Variants in SIN3A observed in about 807,000 individuals in gnomAD.
The protein encoded by SIN3A is SIN3 transcription regulator family member A, also known as paired amphipathic helix protein Sin3a.
Under a neutral mutation model 146.1 loss-of-function variants are expected in SIN3A, and 14 were observed. The observed-to-expected ratio is 0.10, with a 90% confidence interval of 0.06 to 0.15. The LOEUF is 0.15. SIN3A is among the 10% of genes least tolerant of loss of function. The pLI is 1.00. For missense variants in SIN3A, 1,028 were observed against 1,576.0 expected, an observed-to-expected ratio of 0.65 and a Z score of 5.89; for synonymous variants, 572 against 572.0, an observed-to-expected ratio of 1.00 and a Z score of 0.00.
At chr15:75,444,677 T>G (rs897322197) in intron 1 of SIN3A, among the ~76,000 whole-genome samples, 6 of 151,946 alleles carry the variant, frequency 3.9e-5, no homozygotes, top group African/African-American at 1.5e-4. Flanking sequence ...GAGACCAATC[T>G]GGGCAATACA....
chr15:75,372,002 C>T lies in SIN3A; in HGVS notation c.3799G>A (p.Gly1267Ser), dbSNP rs748896058. The T allele has an allele frequency of 6.8e-6, 11 of 1,614,038 alleles. No homozygotes were observed. Among genetic ancestry groups the T allele is most frequent in the South Asian group, 2.2e-5 (2 of 91,090 alleles). Residue 1267 changes from glycine (G) to serine (S), a missense_variant, in exon 21 of 21, where the codon GGC becomes AGC. Transcript: ENST00000394947. The part of the protein sequence containing the change: ...VSINKYRVKY[G>S]TVFKAP Reference sequence around the variant, plus strand: ...AGTTAAGGGGCTTTGAATACTGTGCCGTATTTGACACGATACTTGTTAATG... The same window carrying T: ...AGTTAAGGGGCTTTGAATACTGTGCTGTATTTGACACGATACTTGTTAATG...
chr15:75,430,032 A>G, intron 2 of SIN3A, 155 bp downstream of exon 2: 1 of 623,876 alleles, frequency 1.6e-6, no homozygotes, highest in South Asian at 2.1e-5. Context: ...CTTTTTTTAA[A>G]AACTTGTATG....
At chr15:75,455,582 C>T (rs1452415491), upstream of SIN3A, 4 of 152,454 alleles carry the variant, frequency 2.6e-5, no homozygotes, top group African/African-American at 9.6e-5. Context: ...AACACACACA[C>T]TGGCGAGCGG....
At chr15:75,451,198 G>C (rs1279279741) in intron 1 of SIN3A, among the ~76,000 whole-genome samples, 2 of 142,698 alleles carry the variant, frequency 1.4e-5, no homozygotes, top group African/African-American at 2.6e-5. Flanking sequence ...CGGCGCGAGA[G>C]CCCGCCCCCC....
chr15:75,439,625 G>A (rs569837044), intron 1 of SIN3A, among the ~76,000 whole-genome samples: 54 of 151,882 alleles, frequency 3.6e-4, no homozygotes, highest in Non-Finnish European at 6.0e-4. Context: ...GATTACAGGC[G>A]TGAGCCACCG....
intron 17 of SIN3A, among the ~76,000 whole-genome samples, chr15:75,382,182 G>T (rs1400564093): frequency 6.6e-6 from 1 of 152,138 alleles, no homozygotes; most frequent in East Asian, 1.9e-4. Flanking sequence ...AGACAAAACT[G>T]AAATTCAGAA....
chr15:75,425,833 AAG>A (rs1291243886), intron 2 of SIN3A, among the ~76,000 whole-genome samples: 1 of 152,256 alleles, frequency 6.6e-6, no homozygotes, highest in Non-Finnish European at 1.5e-5. Context: ...ACCACAATTT[AAG>A]AGAGAATAAA....
intron 6 of SIN3A, among the ~76,000 whole-genome samples, chr15:75,410,589 A>G (rs1381799817): frequency 6.6e-6 from 1 of 151,968 alleles, no homozygotes; most frequent in Admixed American, 6.6e-5. Context: ...GGCGTGAGAC[A>G]CCATGCCCGG....
At chr15:75,453,981 A>G (rs1469037789), upstream of SIN3A, 1 of 152,250 alleles carries the variant, frequency 6.6e-6, no homozygotes, top group African/African-American at 2.4e-5. Flanking sequence ...CGAAGGAGCT[A>G]GGCGGGCCTC....
At chr15:75,443,249 C>A (rs1160696703) in intron 1 of SIN3A, among the ~76,000 whole-genome samples, 1 of 152,116 alleles carries the variant, frequency 6.6e-6, no homozygotes, top group Non-Finnish European at 1.5e-5. Context: ...CTTCTCTTTG[C>A]CATTATAGGA....
chr15:75,376,789 G>T (rs975885990), intron 19 of SIN3A, among the ~76,000 whole-genome samples: 2 of 150,480 alleles, frequency 1.3e-5, no homozygotes, highest in Admixed American at 1.3e-4. Flanking sequence ...GAGCCCAGAA[G>T]GCGGAGGTTG....
intron 15 of SIN3A, 32 bp from the exon 16 acceptor site, chr15:75,389,853 C>T: frequency 2.5e-6 from 4 of 1,606,934 alleles, no homozygotes; most frequent in Non-Finnish European, 3.4e-6. Flanking sequence ...TGAGGCCTTA[C>T]CTTGCTAAGA....
intron 5 of SIN3A, among the ~76,000 whole-genome samples, chr15:75,412,357 G>A (rs977044043): frequency 1.3e-5 from 2 of 152,156 alleles, no homozygotes; most frequent in African/African-American, 4.8e-5. Flanking sequence ...CTATTCATTA[G>A]ATCTTCTACT....
chr15:75,391,132 T>C (rs2073192214), intron 15 of SIN3A, among the ~76,000 whole-genome samples: 1 of 152,176 alleles, frequency 6.6e-6, no homozygotes, highest in Admixed American at 6.5e-5. Context: ...CTCCATAGAA[T>C]AGGTATAGGC....
intron 11 of SIN3A, 36 bp from the exon 12 acceptor site, chr15:75,400,192 T>A: frequency 1.7e-6 from 2 of 1,197,442 alleles, no homozygotes; most frequent in Non-Finnish European, 2.4e-6. Flanking sequence ...AACAAAAGCC[T>A]AAAAAAGCTT....
chr15:75,402,697 C>T (rs374885277), intron 9 of SIN3A, among the ~76,000 whole-genome samples: 5 of 152,044 alleles, frequency 3.3e-5, no homozygotes, highest in Non-Finnish European at 7.4e-5. Context: ...TGCAGTGGTG[C>T]GATCTCAGCT....
rs1171636818 is a variant in SIN3A, at chr15:75,433,678, C to T, written c.-33-3270G>A. ...ACAAAAAATTAGCCAGGCGTAGTGGCGGGCACCTGTAGTCCTAGCTACTCG... is the reference window on the plus strand; with the variant it reads ...ACAAAAAATTAGCCAGGCGTAGTGGTGGGCACCTGTAGTCCTAGCTACTCG... On this transcript the variant is annotated intron_variant, in intron 1 of 20. Transcript: ENST00000394947. Among the ~76,000 whole-genome samples the T allele has an allele frequency of 2.6e-5, 4 of 151,936 alleles. No individual in the cohort carries two copies. In the South Asian group the frequency reaches 6.2e-4, roughly 24 times the overall value.
chr15:75,430,338 T>C lies in SIN3A; in HGVS notation c.38A>G (p.Tyr13Cys), dbSNP rs757265494. 1 of 1,613,986 alleles carries C rather than the reference T, an allele frequency of 6.2e-7. No homozygotes were observed. Among genetic ancestry groups the C allele is most frequent in the Non-Finnish European group, 8.5e-7 (1 of 1,179,952 alleles). ...AGGGATCCGACGCTGCTGGGCTGCA[T>C]ACACCGGTGACTCCTGGTCATCCAA... ...RRLDDQESPV[Y>C]AAQQRRIPGS... The change falls in exon 2 of 21, where the codon TAT becomes TGT. Residue 13 changes from tyrosine (Y) to cysteine (C), a missense_variant. Tyr to Cys is a radical substitution (Grantham distance 194, BLOSUM62 -2). Transcript: ENST00000394947.
chr15:75,379,463 C>G (rs924572502), intron 19 of SIN3A, among the ~76,000 whole-genome samples: 2 of 152,188 alleles, frequency 1.3e-5, no homozygotes, highest in Non-Finnish European at 2.9e-5. Flanking sequence ...CTTTTCCTCA[C>G]AGTACATAAA....
Sources: gnomAD v4.1 joint callset for allele counts (sites outside exome capture counted in the v4.1 genomes callset) on GRCh38, gnomAD v4.1.1 for gene constraint, MANE v1.5 for transcripts, NCBI Gene and HGNC (gene_info 2026-07-23, HGNC 2026-07-21) for gene names.